The following MICALL1 variants were observed in gnomAD, a reference collection of about 807,000 sequenced individuals.
MICALL1 encodes the protein MICAL like 1, also known as MICAL-like protein 1.
Under a neutral mutation model 83.7 loss-of-function variants are expected in MICALL1, and 61 were observed. The observed-to-expected ratio is 0.73, with a 90% CI of 0.59 to 0.90. The LOEUF (loss-of-function observed/expected upper bound fraction) is 0.90. Among genes scored for constraint, MICALL1 ranks in the 40% least tolerant of loss-of-function variants. The pLI is 0.00. For missense variants in MICALL1, 1,066 were observed against 1,152.0 expected (o/e 0.93, Z 1.08); for synonymous variants, 481 against 473.6 (o/e 1.02, Z -0.20).
At chr22:37,935,283 CAG>C (rs1930046315) in intron 13 of MICALL1, among the ~76,000 whole-genome samples, 1 of 146,322 alleles carries the variant, frequency 6.8e-6, no homozygotes, top group Non-Finnish European at 1.5e-5. Context: ...TTTTTTGAGT[CAG>C]AGTCTCGCTC....
rs762866949 is a variant in MICALL1 at position 37,927,752 on chromosome 22, A to G, written c.1807A>G (p.Thr603Ala). Residue 603 changes from threonine to alanine, a missense_variant, in exon 9 of 16, where the codon ACG becomes GCG. By Grantham distance (58) the Thr-to-Ala change is moderately conservative (BLOSUM62 0). Transcript: ENST00000215957. ...PAKPCSGATPTPLLLVGDRSP... is the reference protein window; with the variant it reads ...PAKPCSGATPAPLLLVGDRSP... Reference sequence around the variant, plus strand: ...CAAGCCCTGCAGTGGCGCCACCCCAACGCCTCTCTTGTTGGTTGGAGACAG... The same window carrying G: ...CAAGCCCTGCAGTGGCGCCACCCCAGCGCCTCTCTTGTTGGTTGGAGACAG... 13 of 1,613,262 alleles carry G rather than the reference A, an allele frequency of 8.1e-6. No homozygotes were observed. The highest frequency in any genetic ancestry group is 5.4e-5 in the African/African-American group (4 of 74,752).
At chr22:37,935,577 G>C (rs1930071946) in intron 13 of MICALL1, among the ~76,000 whole-genome samples, 3 of 151,438 alleles carry the variant, frequency 2.0e-5, no homozygotes, top group Admixed American at 6.6e-5. Flanking sequence ...TTTTGAGATG[G>C]AGTGTCACTG....
intron 13 of MICALL1, among the ~76,000 whole-genome samples, chr22:37,934,024 T>G (rs1929945814): frequency 6.6e-6 from 1 of 152,212 alleles, no homozygotes. Context: ...CACTGCCTTG[T>G]GTGAGTCACT....
In MICALL1 at chr22:37,922,329, T is replaced by G. The variant is rs1929096277; in HGVS notation, c.927T>G (p.Ser309=). The G allele has an allele frequency of 6.5e-7, 1 of 1,529,258 alleles. No individual in the cohort carries two copies. The highest frequency in any genetic ancestry group is 1.4e-5 in the African/African-American group (1 of 72,762). 94.7% of individuals were successfully genotyped at this position (1,529,258 alleles called of 1,614,324 possible). A position where few individuals can be genotyped will look rare whatever the true frequency, so the allele number is the denominator to read the frequency against. The change falls in exon 6 of 16, where the codon TCT becomes TCG. Residue 309 remains serine, a synonymous_variant. Transcript: ENST00000215957. ...GRPTPAPRKA[S]ESTTPAPPTP... ...CCACCCCTGCCCCCAGGAAGGCCTC[T>G]GAGAGCACCACCCCAGCACCCCCCA...
At position 37,924,673 on chromosome 22, in the gene MICALL1, A is replaced by G; in HGVS notation, c.1038A>G (p.Glu346=). The change falls in exon 7 of 16, where the codon GAA becomes GAG. Residue 346 remains glutamate, a synonymous_variant. Coordinates refer to ENST00000215957, the MANE Select transcript of MICALL1 (RefSeq NM_033386.4). The surrounding 1 kb of genome is among the most constrained non-coding windows in gnomAD (Gnocchi z 5.2). ...TTTCCCATCTAGGGAGACTGCACGA[A>G]CTGCCTGTCCCCAAGCCGAGGGGGA... The part of the protein sequence containing the change: ...SSSLVNGRLH[E]LPVPKPRGTP... 1 of 1,612,226 alleles carries G rather than the reference A, an allele frequency of 6.2e-7. No homozygotes were observed. The highest frequency in any genetic ancestry group is 1.7e-4 in the Middle Eastern group (1 of 6,054).
At chr22:37,940,646 T>G in intron 15 of MICALL1, 63 bp from the exon 16 acceptor site, 1 of 1,594,168 alleles carries the variant, frequency 6.3e-7, no homozygotes, top group Non-Finnish European at 8.6e-7. Context: ...TCACTGGGTC[T>G]AGCCTGCCCT....
intron 4 of MICALL1, 60 bp downstream of exon 4, chr22:37,917,855 G>A (rs528335689): frequency 2.3e-5 from 32 of 1,411,052 alleles, no homozygotes; most frequent in African/African-American, 1.8e-4. Context: ...TTATGTGGAC[G>A]ACTATCATTG....
chr22:37,906,846 T>G lies in MICALL1; in HGVS notation c.146+278T>G. ...GACACTGGCCCCGCCCACAAAGCGC[T>G]GATTTCCGCCGAGGATCGCTGAACC... On this transcript the variant is annotated intron_variant, in intron 1 of 15. Coordinates refer to ENST00000215957, the MANE Select transcript of MICALL1 (RefSeq NM_033386.4). This position sits in a 1 kb window ranked among gnomAD's most constrained non-coding sequence, Gnocchi z 4.4. The G allele has an allele frequency of 2.3e-5, 4 of 174,366 alleles. No homozygotes were observed. Among genetic ancestry groups the G allele is most frequent in the Non-Finnish European group, 3.6e-5 (3 of 83,178 alleles). The allele number at this position is 174,366 out of a possible 1,614,324, so 10.8% of individuals were successfully genotyped here.
chr22:37,934,646 G>C (rs950615506), intron 13 of MICALL1, among the ~76,000 whole-genome samples: 1 of 151,148 alleles, frequency 6.6e-6, no homozygotes, highest in Admixed American at 6.6e-5. Flanking sequence ...GCCCAGGCTG[G>C]AGTGCAGTGG....
intron 14 of MICALL1, among the ~76,000 whole-genome samples, chr22:37,937,454 A>C (rs1601838225): frequency 1.9e-5 from 2 of 107,662 alleles, no homozygotes; most frequent in African/African-American, 3.5e-5. Context: ...ACAGCGTTTC[A>C]CTCTTGTTGC....
At chr22:37,914,716 A>G (rs574138382) in intron 3 of MICALL1, among the ~76,000 whole-genome samples, 25 of 151,926 alleles carry the variant, frequency 1.6e-4, no homozygotes, top group Middle Eastern at 3.4e-3. Context: ...TCACAGCTCA[A>G]TGCGTCCTCA....
chr22:37,921,355 G>A (rs1046256996), intron 5 of MICALL1, among the ~76,000 whole-genome samples: 1 of 152,118 alleles, frequency 6.6e-6, no homozygotes, highest in African/African-American at 2.4e-5. Context: ...ATCACTTGAG[G>A]TTGGGAGTTT....
intron 15 of MICALL1, 45 bp downstream of exon 15, chr22:37,937,837 G>C: frequency 1.9e-6 from 3 of 1,611,202 alleles, no homozygotes; most frequent in Non-Finnish European, 2.5e-6. Context: ...CTTGAACTTC[G>C]GCATTGGGGT....
At chr22:37,919,206 C>A in intron 5 of MICALL1, 28 bp downstream of exon 5, 1 of 1,493,442 alleles carries the variant, frequency 6.7e-7, no homozygotes, top group South Asian at 1.3e-5. Context: ...CGTGTTACCC[C>A]CGAAACCAGG....
At chr22:37,929,706 A>G (rs1055611140) in intron 9 of MICALL1, among the ~76,000 whole-genome samples, 4 of 152,096 alleles carry the variant, frequency 2.6e-5, no homozygotes, top group Non-Finnish European at 4.4e-5. Context: ...TGGGCTCAGT[A>G]CTTTCCTCTG....
intron 1 of MICALL1, chr22:37,907,588 C>T (rs1036076700): frequency 1.3e-5 from 2 of 152,384 alleles, no homozygotes; most frequent in African/African-American, 4.8e-5. Flanking sequence ...AGGGCTCCCC[C>T]AGCCTGGCAG....
At chr22:37,916,222 G>A (rs909371349) in intron 3 of MICALL1, among the ~76,000 whole-genome samples, 4 of 152,210 alleles carry the variant, frequency 2.6e-5, no homozygotes, top group South Asian at 2.1e-4. Context: ...GCACTCCCTC[G>A]CCCTGCAGGG....
At position 37,924,366 on chromosome 22, in the gene MICALL1, T is replaced by C. The variant is rs1929284033; in HGVS notation, c.1025-294T>C. 6.6e-6 allele frequency among the ~76,000 whole-genome samples: 1 copy of C among 152,106 alleles called. No homozygotes were observed. Among genetic ancestry groups the C allele is most frequent in the Non-Finnish European group, 1.5e-5 (1 of 67,996 alleles). On this transcript the variant is annotated intron_variant, in intron 6 of 15. Transcript: ENST00000215957. The surrounding 1 kb of genome is among the most constrained non-coding windows in gnomAD (Gnocchi z 5.2). ...TCCAGGACTTCCAGGAGGAGGTGGCTCCCAGGCTGACTTGAGATGATGTTT... is the reference window on the plus strand; with the variant it reads ...TCCAGGACTTCCAGGAGGAGGTGGCCCCCAGGCTGACTTGAGATGATGTTT...
In MICALL1 at chr22:37,932,444, A is replaced by AC; in HGVS notation, c.2017-108dup. The AC allele has an allele frequency of 6.7e-7, 1 of 1,495,656 alleles. No individual in the cohort carries two copies. The highest frequency in any genetic ancestry group is 9.0e-7 in the Non-Finnish European group (1 of 1,109,132). The allele number at this position is 1,495,656 out of a possible 1,614,324, so 92.6% of individuals were successfully genotyped here. On this transcript the variant is annotated intron_variant, in intron 10 of 15. Coordinates refer to ENST00000215957, the MANE Select transcript of MICALL1 (RefSeq NM_033386.4). This position sits in a 1 kb window ranked among gnomAD's most constrained non-coding sequence, Gnocchi z 4.4. ...CCTTCTTACCATGCTGGGGTGGGGG[A>AC]CAGGGCCCGGGCCCTGGAGCCACCA...
Sources: allele counts gnomAD v4.1 joint callset (sites outside exome capture counted in the v4.1 genomes callset), GRCh38; gene constraint gnomAD v4.1.1; non-coding constraint Gnocchi (gnomAD v3.1); transcripts MANE v1.5; gene names NCBI Gene and HGNC (gene_info 2026-07-23, HGNC 2026-07-21).